FLT1: variants seen among roughly 807,000 people sequenced by gnomAD.
The protein encoded by FLT1 is vascular endothelial growth factor receptor 1.
In FLT1, 49 loss-of-function variants were observed where a neutral mutation model predicts 156.3. The ratio of observed to expected loss-of-function variants is 0.31; its 90% CI spans 0.25 to 0.40. The LOEUF (loss-of-function observed/expected upper bound fraction) is 0.40. Among genes scored for constraint, FLT1 ranks in the 10% least tolerant of loss-of-function variants. The pLI is 1.00. For synonymous variants in FLT1, 594 were observed against 583.8 expected, an observed-to-expected ratio of 1.02 and a Z score of -0.25; for missense variants, 1,322 against 1,637.2, an observed-to-expected ratio of 0.81 and a Z score of 3.32.
intron 19 of FLT1, 54 bp downstream of exon 19, chr13:28,329,561 G>T: frequency 7.8e-7 from 1 of 1,287,388 alleles, no homozygotes; most frequent in Non-Finnish European, 1.1e-6. Flanking sequence ...GCAGAGAACT[G>T]TTCTCCCAGC....
intron 14 of FLT1, among the ~76,000 whole-genome samples, chr13:28,377,297 GTA>G (rs1418445906): frequency 6.6e-6 from 1 of 152,042 alleles, no homozygotes; most frequent in African/African-American, 2.4e-5. Context: ...CCTCCTTTCT[GTA>G]TATACAGCTA....
chr13:28,355,379 G>T (rs1872863201), intron 15 of FLT1, among the ~76,000 whole-genome samples: 2 of 152,224 alleles, frequency 1.3e-5, no homozygotes, highest in Admixed American at 1.3e-4. Context: ...TTCGTGCTAA[G>T]TGCTGGGCAT....
At chr13:28,400,111 G>A (rs763125030) in intron 11 of FLT1, among the ~76,000 whole-genome samples, 2 of 152,168 alleles carry the variant, frequency 1.3e-5, no homozygotes, top group African/African-American at 2.4e-5. Flanking sequence ...ATTGCTTCTC[G>A]CCTTGAGACT....
Position 28,466,200 on chromosome 13 carries a change from G to T in FLT1, c.388+703C>A, listed in dbSNP as rs575080604. Among the ~76,000 whole-genome samples, 4 of 152,168 alleles carry T rather than the reference G, an allele frequency of 2.6e-5. No homozygotes were observed. In the East Asian group the frequency reaches 7.7e-4, roughly 29 times the overall value. On this transcript the variant is annotated intron_variant, in intron 3 of 29. Coordinates refer to ENST00000282397, the MANE Select transcript of FLT1 (RefSeq NM_002019.4). ...TACTGTGAGTTTCTACTTCTTAAAA[G>T]ATTTTGCATTTCTCCCCTTTGAATG...
chr13:28,372,566 G>GTATGTATATATATATATATA (rs1555232434), intron 14 of FLT1, among the ~76,000 whole-genome samples: 1 of 91,478 alleles, frequency 1.1e-5, no homozygotes, highest in Non-Finnish European at 2.2e-5. Context: ...TAAATAAAAT[G>GTATGTATATATATATATATA]TATATATATA....
At chr13:28,485,331 T>C (rs1489315851) in intron 1 of FLT1, among the ~76,000 whole-genome samples, 2 of 152,136 alleles carry the variant, frequency 1.3e-5, no homozygotes, top group Non-Finnish European at 2.9e-5. Flanking sequence ...TGGGGTCAGC[T>C]GTCCTCCCTT....
chr13:28,362,412 T>C (rs113455150), intron 14 of FLT1, among the ~76,000 whole-genome samples: 16 of 152,134 alleles, frequency 1.1e-4, no homozygotes, highest in African/African-American at 3.9e-4. Flanking sequence ...TTGCTCCGGG[T>C]CAATGAACAT....
chr13:28,393,503 G>A (rs1033318744), intron 12 of FLT1, among the ~76,000 whole-genome samples: 1 of 152,144 alleles, frequency 6.6e-6, no homozygotes, highest in Non-Finnish European at 1.5e-5. Context: ...GTTTGGAGTC[G>A]AAGCGGTCAA....
chr13:28,388,613 A>AT (rs1212098394), intron 13 of FLT1: 19 of 1,055,954 alleles, frequency 1.8e-5, no homozygotes, highest in East Asian at 5.3e-5. Context: ...ACTGGTGTGT[A>AT]TTTTTTAAAT....
At chr13:28,460,228 G>T (rs1200126096) in intron 3 of FLT1, among the ~76,000 whole-genome samples, 1 of 152,198 alleles carries the variant, frequency 6.6e-6, no homozygotes, top group African/African-American at 2.4e-5. Flanking sequence ...ACATGAATAG[G>T]GCTCCCCATT....
Position 28,439,942 on chromosome 13 carries a change from A to T in FLT1, c.389-1597T>A, listed in dbSNP as rs777220048. Among the ~76,000 whole-genome samples the T allele has an allele frequency of 1.3e-5, 2 of 152,260 alleles. No homozygotes were observed. The highest frequency in any genetic ancestry group is 4.8e-5 in the African/African-American group (2 of 41,476). On this transcript the variant is annotated intron_variant, in intron 3 of 29. Coordinates refer to ENST00000282397, the MANE Select transcript of FLT1 (RefSeq NM_002019.4). This position sits in a 1 kb window ranked among gnomAD's most constrained non-coding sequence, Gnocchi z 4.1. ...GTGGGCCATTGCTGTAGCCTGCTGA[A>T]GATGGGATAGTTTTCTGCACAGCAG...
At chr13:28,401,979 A>G (rs370313131) in intron 11 of FLT1, among the ~76,000 whole-genome samples, 1 of 152,182 alleles carries the variant, frequency 6.6e-6, no homozygotes, top group Admixed American at 6.5e-5. Context: ...TTCCTACTCC[A>G]TATCTACAAA....
At chr13:28,405,992 A>C (rs1171806891) in intron 10 of FLT1, 98 bp from the exon 11 acceptor site, 1 of 720,300 alleles carries the variant, frequency 1.4e-6, no homozygotes, top group Non-Finnish European at 2.5e-6. Context: ...TCAGATAACA[A>C]AGTCACAAAT....
At chr13:28,321,357 T>G in intron 23 of FLT1, 106 bp downstream of exon 23, 1 of 1,361,790 alleles carries the variant, frequency 7.3e-7, no homozygotes, top group Non-Finnish European at 1.0e-6. Flanking sequence ...AGAAAGCCAA[T>G]GATGGTTTTC....
chr13:28,482,594 T>G (rs1439250927), intron 1 of FLT1, among the ~76,000 whole-genome samples: 1 of 152,194 alleles, frequency 6.6e-6, no homozygotes, highest in Admixed American at 6.5e-5. Context: ...GTATTTAACA[T>G]TATCCCAAAA....
At chr13:28,309,421 T>C (rs371454276) in intron 27 of FLT1, among the ~76,000 whole-genome samples, 2 of 152,128 alleles carry the variant, frequency 1.3e-5, no homozygotes, top group African/African-American at 4.8e-5. Flanking sequence ...TTGGGAGAAT[T>C]GGGTAGTGTT....
intron 10 of FLT1, among the ~76,000 whole-genome samples, chr13:28,423,512 A>T (rs1877137870): frequency 1.3e-5 from 2 of 152,230 alleles, no homozygotes; most frequent in Admixed American, 6.5e-5. Flanking sequence ...ACTGTTGTCA[A>T]ACTAGCTCTA....
rs149098776 is a variant in FLT1 at position 28,357,758 on chromosome 13, C to A, written c.2117-73G>T. ...AAAACAGCTACTTCTGTAACACAGCCTTCTTCCTATCATTATGCATTCAGA... is the reference window on the plus strand; with the variant it reads ...AAAACAGCTACTTCTGTAACACAGCATTCTTCCTATCATTATGCATTCAGA... On this transcript the variant is annotated intron_variant, in intron 14 of 29. Transcript: ENST00000282397. 5 of 1,379,076 alleles carry A rather than the reference C, an allele frequency of 3.6e-6. No individual in the cohort carries two copies. In the East Asian group the frequency reaches 9.2e-5, roughly 25 times the overall value. 85.4% of individuals were successfully genotyped at this position (1,379,076 alleles called of 1,614,324 possible). A position where few individuals can be genotyped will look rare whatever the true frequency, so the allele number is the denominator to read the frequency against.
chr13:28,327,235 A>G (rs1471500699), intron 20 of FLT1, among the ~76,000 whole-genome samples: 2 of 152,374 alleles, frequency 1.3e-5, no homozygotes, highest in African/African-American at 4.8e-5. Flanking sequence ...TTACTCTCCA[A>G]TTATGGCTGC....
Sources: allele counts gnomAD v4.1 joint callset (sites outside exome capture counted in the v4.1 genomes callset), GRCh38; gene constraint gnomAD v4.1.1; non-coding constraint Gnocchi (gnomAD v3.1); transcripts MANE v1.5; gene names NCBI Gene and HGNC (gene_info 2026-07-23, HGNC 2026-07-21).